SLIT2: variants seen among roughly 807,000 people sequenced by gnomAD.
The protein encoded by SLIT2 is slit homolog 2 protein.
A neutral mutation model predicts 185.7 loss-of-function variants in SLIT2; 41 were observed. That is an observed-to-expected ratio of 0.22 (90% confidence interval 0.17 to 0.29). The LOEUF (loss-of-function observed/expected upper bound fraction) is 0.29, where lower values mean the gene tolerates loss of function less well. Among genes scored for constraint, SLIT2 ranks in the 10% least tolerant of loss-of-function variants. The pLI, the probability that SLIT2 is intolerant of heterozygous loss-of-function variation, is 1.00. For synonymous variants in SLIT2, 693 were observed against 680.2 expected (o/e 1.02, Z -0.29); for missense variants, 1,571 against 1,909.0 (o/e 0.82, Z 3.30).
chr4:20,523,996 C>T lies in SLIT2; in HGVS notation c.1275-18C>T. On this transcript the variant is annotated intron_variant, in intron 13 of 36. Transcript: ENST00000504154. Reference sequence around the variant, plus strand: ...ATTGCAAGTCATCTATAAAACTGTTCTGTATGTGTTTCCAAAGGCATTTGG... The same window carrying T: ...ATTGCAAGTCATCTATAAAACTGTTTTGTATGTGTTTCCAAAGGCATTTGG... The T allele has an allele frequency of 1.2e-6, 2 of 1,613,924 alleles. No individual in the cohort carries two copies. Among genetic ancestry groups the T allele is most frequent in the Admixed American group, 1.7e-5 (1 of 60,024 alleles).
intron 21 of SLIT2, among the ~76,000 whole-genome samples, chr4:20,545,045 ATTG>A (rs1009517952): frequency 1.7e-4 from 26 of 152,226 alleles, no homozygotes; most frequent in African/African-American, 6.3e-4. Context: ...CTTTTATATC[ATTG>A]TTTTTATTTT....
chr4:20,410,243 C>CTTTTTTTTTTTTTTTT lies in SLIT2; in HGVS notation c.396-57501_396-57486dup, dbSNP rs1160985126. On this transcript the variant is annotated intron_variant, in intron 4 of 36. Transcript: ENST00000504154. Reference sequence around the variant, plus strand: ...TGGTTTTTTTTCTTTTCTTTCTTTTCTTTTTTTTTTTTTTTTTTTTTTTGA... The same window carrying CTTTTTTTTTTTTTTTT: ...TGGTTTTTTTTCTTTTCTTTCTTTTCTTTTTTTTTTTTTTTTTTTTTTTTTTTTTTTTTTTTTTTGA... 9.0e-4 allele frequency among the ~76,000 whole-genome samples: 62 copies of CTTTTTTTTTTTTTTTT among 69,054 alleles called. 1 individual carries two copies. Among genetic ancestry groups the CTTTTTTTTTTTTTTTT allele is most frequent in the Non-Finnish European group, 9.5e-4 (35 of 36,758 alleles). The allele number at this position is 69,054 out of a possible 152,430, so 45.3% of individuals were successfully genotyped here.
intron 4 of SLIT2, among the ~76,000 whole-genome samples, chr4:20,431,292 G>T (rs1173583050): frequency 6.6e-6 from 1 of 152,204 alleles, no homozygotes; most frequent in African/African-American, 2.4e-5. Flanking sequence ...TTTTTTGGAA[G>T]GGGATGGAGT....
chr4:20,315,053 T>C (rs1718453848), intron 4 of SLIT2, among the ~76,000 whole-genome samples: 1 of 151,994 alleles, frequency 6.6e-6, no homozygotes, highest in Non-Finnish European at 1.5e-5. Context: ...CATGTGATCA[T>C]ACCCAAGGTT....
chr4:20,463,107 AC>A (rs1192067836), intron 4 of SLIT2, among the ~76,000 whole-genome samples: 2 of 152,092 alleles, frequency 1.3e-5, no homozygotes. Context: ...AAGCACCGTG[AC>A]CCAAGGTCCC....
intron 25 of SLIT2, among the ~76,000 whole-genome samples, chr4:20,551,529 T>C (rs1224196074): frequency 6.6e-6 from 1 of 152,140 alleles, no homozygotes; most frequent in East Asian, 1.9e-4. Flanking sequence ...CTCATTTGGG[T>C]CAAATTCCAT....
intron 4 of SLIT2, among the ~76,000 whole-genome samples, chr4:20,315,327 T>C (rs1206522113): frequency 2.6e-5 from 4 of 152,080 alleles, no homozygotes; most frequent in African/African-American, 4.8e-5. Flanking sequence ...CAACAAATTG[T>C]GATGAACTCA....
At chr4:20,352,015 C>G (rs1340853552) in intron 4 of SLIT2, among the ~76,000 whole-genome samples, 1 of 152,148 alleles carries the variant, frequency 6.6e-6, no homozygotes, top group Non-Finnish European at 1.5e-5. Flanking sequence ...TTGAATTTCT[C>G]TTACAGAGCG....
At chr4:20,436,848 T>C (rs1190405020) in intron 4 of SLIT2, among the ~76,000 whole-genome samples, 1 of 152,156 alleles carries the variant, frequency 6.6e-6, no homozygotes, top group East Asian at 1.9e-4. Context: ...GATAATTTTG[T>C]TGCACTCTTT....
chr4:20,534,577 A>AT (rs1722104855), intron 18 of SLIT2, among the ~76,000 whole-genome samples: 1 of 152,208 alleles, frequency 6.6e-6, no homozygotes, highest in East Asian at 1.9e-4. Flanking sequence ...AAATTGGAAG[A>AT]AAGACAAACC....
rs575836312 is a variant in SLIT2 at position 20,429,141 on chromosome 4, A to G, written c.396-38611A>G. Among the ~76,000 whole-genome samples the G allele has an allele frequency of 5.0e-4, 76 of 152,010 alleles. 1 individual carries two copies. The highest frequency in any genetic ancestry group is 1.7e-3 in the African/African-American group (72 of 41,470). The stretch of plus-strand genomic sequence containing the variant: ...TTAAACACATGAAGTTTGTGGACAT[A>G]TCCTGGGCACACAGAGGTGCTTTTC... On this transcript the variant is annotated intron_variant, in intron 4 of 36. Transcript: ENST00000504154.
chr4:20,329,819 A>T (rs1308224971), intron 4 of SLIT2, among the ~76,000 whole-genome samples: 2 of 152,160 alleles, frequency 1.3e-5, no homozygotes, highest in East Asian at 3.9e-4. Context: ...TGCTAGCATC[A>T]TAACCAGCCT....
intron 15 of SLIT2, among the ~76,000 whole-genome samples, chr4:20,526,000 A>G (rs983257544): frequency 2.6e-5 from 4 of 152,154 alleles, no homozygotes; most frequent in African/African-American, 4.8e-5. Context: ...CCAATTGTGT[A>G]AAATGCCTCT....
chr4:20,598,454 CT>C (rs1279583800), intron 33 of SLIT2, 59 bp downstream of exon 33: 116 of 1,582,090 alleles, frequency 7.3e-5, no homozygotes, highest in Non-Finnish European at 8.6e-5. Context: ...AGAACTGCTT[CT>C]CCTCTATCAT....
At position 20,254,939 on chromosome 4, in the gene SLIT2, G is replaced by A; in HGVS notation, c.179+945G>A. On this transcript the variant is annotated intron_variant, in intron 1 of 36. Coordinates refer to ENST00000504154, the MANE Select transcript of SLIT2 (RefSeq NM_004787.4). The surrounding 1 kb of genome is among the most constrained non-coding windows in gnomAD (Gnocchi z 5.1). ...CCTGTCTTTGCGAGTCTCTAATGAA[G>A]AAGTAAATGCAGACCCGGTGTTGAC... 1 of 456,318 alleles carries A rather than the reference G, an allele frequency of 2.2e-6. No homozygotes were observed. The highest frequency in any genetic ancestry group is 4.4e-6 in the Non-Finnish European group (1 of 226,970). 28.3% of individuals were successfully genotyped at this position (456,318 alleles called of 1,614,324 possible).
chr4:20,258,467 C>T (rs967400836), intron 3 of SLIT2, among the ~76,000 whole-genome samples: 4 of 151,444 alleles, frequency 2.6e-5, no homozygotes, highest in East Asian at 1.9e-4. Flanking sequence ...TTTTATTTGG[C>T]CCTAGCTTTA....
chr4:20,297,582 A>T (rs541358893), intron 4 of SLIT2, among the ~76,000 whole-genome samples: 7 of 152,328 alleles, frequency 4.6e-5, no homozygotes, highest in Non-Finnish European at 1.0e-4. Context: ...CCAGGCAAAA[A>T]TGTCAATCTA....
intron 4 of SLIT2, among the ~76,000 whole-genome samples, chr4:20,398,862 T>C (rs1433242888): frequency 6.6e-6 from 1 of 151,850 alleles, no homozygotes; most frequent in African/African-American, 2.4e-5. Context: ...CCGTCAATAA[T>C]GTCTATCCTT....
In SLIT2 at chr4:20,484,919, C is replaced by T. The variant is rs974272796; in HGVS notation, c.540-1281C>T. ...TCTGCTTTCTTCCATCTCTCTTGCC[C>T]ATCATTGTATATTTTTGCACGTGGC... On this transcript the variant is annotated intron_variant, in intron 6 of 36. Transcript: ENST00000504154. This position sits in a 1 kb window ranked among gnomAD's most constrained non-coding sequence, Gnocchi z 4.3. Among the ~76,000 whole-genome samples, 4 of 152,080 alleles carry T rather than the reference C, an allele frequency of 2.6e-5. No individual in the cohort carries two copies. The highest frequency in any genetic ancestry group is 9.7e-5 in the African/African-American group (4 of 41,426).
Sources: gnomAD v4.1 joint callset for allele counts (sites outside exome capture counted in the v4.1 genomes callset) on GRCh38, gnomAD v4.1.1 for gene constraint, Gnocchi (gnomAD v3.1) non-coding constraint, MANE v1.5 for transcripts, NCBI Gene and HGNC (gene_info 2026-07-23, HGNC 2026-07-21) for gene names.